RARB: variants seen among roughly 807,000 people sequenced by gnomAD.
RARB encodes retinoic acid receptor beta.
In RARB, 17 loss-of-function variants were observed where a neutral mutation model predicts 51.9. The observed-to-expected ratio is 0.33, with a 90% CI of 0.22 to 0.49. The LOEUF (loss-of-function observed/expected upper bound fraction) is 0.49, where lower values mean the gene tolerates loss of function less well. RARB is among the 20% of genes least tolerant of loss of function. RARB has a pLI of 0.99. For missense variants in RARB, 369 were observed against 550.8 expected (o/e 0.67, Z 3.30); for synonymous variants, 215 against 195.4 (o/e 1.10, Z -0.84).
At chr3:25,409,835 C>A (rs939489509) in intron 5 of RARB, among the ~76,000 whole-genome samples, 4 of 152,160 alleles carry the variant, frequency 2.6e-5, no homozygotes, top group African/African-American at 9.7e-5. Flanking sequence ...GCCTTTTGTA[C>A]AATGGTGTCT....
chr3:25,252,864 A>T (rs562848983), intron 5 of RARB, among the ~76,000 whole-genome samples: 27 of 152,212 alleles, frequency 1.8e-4, no homozygotes, highest in Admixed American at 1.6e-3. Flanking sequence ...TGACTTATGG[A>T]TCTTCTTTTA....
At chr3:25,135,241 A>T (rs1700014645) in intron 4 of RARB, among the ~76,000 whole-genome samples, 2 of 152,136 alleles carry the variant, frequency 1.3e-5, no homozygotes, top group Admixed American at 6.6e-5. Context: ...ACTGATTTTT[A>T]AATTTTATTT....
At chr3:25,243,190 A>T (rs886966377) in intron 5 of RARB, among the ~76,000 whole-genome samples, 1 of 152,178 alleles carries the variant, frequency 6.6e-6, no homozygotes, top group Non-Finnish European at 1.5e-5. Flanking sequence ...GTTACTTATC[A>T]GCTTAAGGAG....
At chr3:25,563,266 C>G (rs1306466747) in intron 3 of RARB, among the ~76,000 whole-genome samples, 1 of 152,166 alleles carries the variant, frequency 6.6e-6, no homozygotes, top group Non-Finnish European at 1.5e-5. Flanking sequence ...TTTACAAACC[C>G]TGAAATCAAA....
chr3:25,398,116 G>T (rs1380095418), intron 5 of RARB, among the ~76,000 whole-genome samples: 4 of 151,872 alleles, frequency 2.6e-5, no homozygotes, highest in Non-Finnish European at 4.4e-5. Context: ...ATGTATCCAG[G>T]CACTAGTTTC....
At chr3:25,238,151 C>CT (rs145299151) in intron 5 of RARB, among the ~76,000 whole-genome samples, 1 of 151,180 alleles carries the variant, frequency 6.6e-6, no homozygotes, top group Non-Finnish European at 1.5e-5. Flanking sequence ...TCCTCCAGCG[C>CT]CCCCCCACAC....
At chr3:25,130,807 G>A (rs929213632) in intron 3 of RARB, among the ~76,000 whole-genome samples, 1 of 151,368 alleles carries the variant, frequency 6.6e-6, no homozygotes, top group Non-Finnish European at 1.5e-5. Context: ...GCTTGATCTG[G>A]AAATTTTGAA....
At chr3:25,192,954 T>A (rs780960983) in intron 5 of RARB, among the ~76,000 whole-genome samples, 12 of 152,066 alleles carry the variant, frequency 7.9e-5, no homozygotes, top group Non-Finnish European at 1.6e-4. Flanking sequence ...CAGGCCCTCA[T>A]GAAGCTTACA....
At chr3:25,263,045 A>G (rs754712364) in intron 5 of RARB, among the ~76,000 whole-genome samples, 2 of 151,824 alleles carry the variant, frequency 1.3e-5, no homozygotes, top group Non-Finnish European at 2.9e-5. Flanking sequence ...ATAACCTGGG[A>G]CCCCTCTAGG....
intron 5 of RARB, among the ~76,000 whole-genome samples, chr3:25,301,204 G>A (rs1704029829): frequency 6.6e-6 from 1 of 152,074 alleles, no homozygotes; most frequent in Non-Finnish European, 1.5e-5. Context: ...ACTCACTATG[G>A]GTTTATCAGG....
At chr3:24,962,108 T>A (rs1242686856) in intron 2 of RARB, among the ~76,000 whole-genome samples, 1 of 151,898 alleles carries the variant, frequency 6.6e-6, no homozygotes, top group African/African-American at 2.4e-5. Context: ...TTTTTCTATT[T>A]TTAGTAGAGA....
At chr3:25,371,914 A>G (rs2125472518) in intron 5 of RARB, among the ~76,000 whole-genome samples, 1 of 152,324 alleles carries the variant, frequency 6.6e-6, no homozygotes, top group Middle Eastern at 3.4e-3. Context: ...TGGTCAGGGA[A>G]GGCCCCACTG....
At chr3:25,085,522 T>C (rs1699089442) in intron 3 of RARB, among the ~76,000 whole-genome samples, 1 of 152,134 alleles carries the variant, frequency 6.6e-6, no homozygotes, top group Admixed American at 6.6e-5. Flanking sequence ...CCCATGTTTT[T>C]CTTACTCTAG....
At chr3:25,199,650 G>T (rs1290842504) in intron 5 of RARB, among the ~76,000 whole-genome samples, 1 of 152,048 alleles carries the variant, frequency 6.6e-6, no homozygotes, top group Non-Finnish European at 1.5e-5. Flanking sequence ...CTGTGTCCAT[G>T]TGTTCTCATT....
At position 25,003,194 on chromosome 3, in the gene RARB, C is replaced by CAAAAAA. The variant is rs565249387; in HGVS notation, c.-379-56921_-379-56916dup. 3.1e-3 allele frequency among the ~76,000 whole-genome samples: 276 copies of CAAAAAA among 89,526 alleles called. 3 individuals are homozygous for CAAAAAA. The highest frequency in any genetic ancestry group is 0.011 in the African/African-American group (262 of 24,710). 58.7% of individuals were successfully genotyped at this position (89,526 alleles called of 152,430 possible). Reference sequence around the variant, plus strand: ...TGTTCTAAGGCAAAAGATCATAATGCAAAAAAAAAAAAAAACTGCTTTTGA... The same window carrying CAAAAAA: ...TGTTCTAAGGCAAAAGATCATAATGCAAAAAAAAAAAAAAAAAAAAACTGCTTTTGA... On this transcript the variant is annotated intron_variant, in intron 2 of 11. Coordinates refer to the RARB transcript ENST00000383772.
At chr3:25,516,379 C>A (rs994409353) in intron 3 of RARB, among the ~76,000 whole-genome samples, 1 of 152,024 alleles carries the variant, frequency 6.6e-6, no homozygotes, top group African/African-American at 2.4e-5. Context: ...GATTTATGAA[C>A]TTATGTGGAT....
At chr3:24,982,767 T>C (rs1696705369) in intron 2 of RARB, among the ~76,000 whole-genome samples, 1 of 152,208 alleles carries the variant, frequency 6.6e-6, no homozygotes, top group South Asian at 2.1e-4. Context: ...GGGGGAATTT[T>C]AGAAATGTGT....
chr3:24,868,805 C>A (rs982842509), intron 2 of RARB, among the ~76,000 whole-genome samples: 13 of 152,166 alleles, frequency 8.5e-5, no homozygotes, highest in African/African-American at 3.1e-4. Flanking sequence ...CAATTGCTAA[C>A]AGAAAATCTT....
At chr3:25,464,543 A>G (rs1575428709) in intron 2 of RARB, among the ~76,000 whole-genome samples, 1 of 152,298 alleles carries the variant, frequency 6.6e-6, no homozygotes, top group East Asian at 1.9e-4. Context: ...TCATTGGGAA[A>G]GACTTGGTCT....
Sources: gnomAD v4.1 joint callset for allele counts (sites outside exome capture counted in the v4.1 genomes callset) on GRCh38, gnomAD v4.1.1 for gene constraint, MANE v1.5 for transcripts, NCBI Gene and HGNC (gene_info 2026-07-23, HGNC 2026-07-21) for gene names.